Variants in DIP2B observed in about 807,000 individuals in gnomAD.
DIP2B encodes the protein disco-interacting protein 2 homolog B.
A neutral mutation model predicts 198.0 loss-of-function variants in DIP2B; 76 were observed. The observed-to-expected ratio is 0.38, with a 90% CI of 0.32 to 0.46. The LOEUF is 0.46. Ranked by LOEUF, DIP2B falls within the 20% of genes least tolerant of loss-of-function variation. The pLI, the probability that DIP2B is intolerant of heterozygous loss-of-function variation, is 0.99. For synonymous variants in DIP2B, 701 were observed against 739.1 expected (o/e 0.95, Z 0.84); for missense variants, 1,559 against 1,978.4 (o/e 0.79, Z 4.02).
intron 1 of DIP2B, among the ~76,000 whole-genome samples, chr12:50,576,257 C>G (rs528621940): frequency 6.7e-6 from 1 of 149,758 alleles, no homozygotes; most frequent in Admixed American, 6.7e-5. Flanking sequence ...TTAGTAGAGA[C>G]GGTTTCTCCA....
At chr12:50,718,128 G>A (rs930879932) in intron 23 of DIP2B, among the ~76,000 whole-genome samples, 1 of 151,116 alleles carries the variant, frequency 6.6e-6, no homozygotes, top group Admixed American at 6.6e-5. Flanking sequence ...TCCATCTCTT[G>A]ACCTTGTGAT....
chr12:50,662,027 G>A (rs915889659), intron 4 of DIP2B, among the ~76,000 whole-genome samples: 1 of 152,206 alleles, frequency 6.6e-6, no homozygotes, highest in Admixed American at 6.5e-5. Flanking sequence ...TGCTGAATGA[G>A]ACTGTAGTCC....
intron 1 of DIP2B, among the ~76,000 whole-genome samples, chr12:50,532,772 C>T (rs1958229717): frequency 6.6e-6 from 1 of 152,068 alleles, no homozygotes; most frequent in African/African-American, 2.4e-5. Flanking sequence ...GTGGGTAACC[C>T]CCTTTCCTCT....
intron 1 of DIP2B, among the ~76,000 whole-genome samples, chr12:50,514,848 A>G (rs897192559): frequency 6.6e-6 from 1 of 151,804 alleles, no homozygotes; most frequent in Non-Finnish European, 1.5e-5. Flanking sequence ...TGTAGCAACA[A>G]GGTCTTGCTT....
In DIP2B at chr12:50,708,441, C is replaced by G. The variant is rs763337763; in HGVS notation, c.2535-7C>G. On this transcript the variant is annotated splice_region_variant and splice_polypyrimidine_tract_variant and intron_variant, in intron 21 of 37. Transcript: ENST00000301180. ...GAGTCCTGATGTGTTTGATCTGTCT[C>G]TCTTAGAATTGCTGTGTTTTCTGTG... is the stretch of plus-strand genomic sequence containing the variant. The G allele has an allele frequency of 6.3e-7, 1 of 1,582,770 alleles. No homozygotes were observed. Among genetic ancestry groups the G allele is most frequent in the Non-Finnish European group, 8.6e-7 (1 of 1,162,374 alleles).
intron 1 of DIP2B, among the ~76,000 whole-genome samples, chr12:50,539,463 C>T (rs1034824724): frequency 6.6e-6 from 1 of 151,744 alleles, no homozygotes; most frequent in Non-Finnish European, 1.5e-5. Context: ...ACTAAAAATA[C>T]AAAAATTAGC....
At chr12:50,652,948 T>TG (rs1938483390) in intron 3 of DIP2B, among the ~76,000 whole-genome samples, 1 of 151,866 alleles carries the variant, frequency 6.6e-6, no homozygotes, top group Admixed American at 6.6e-5. Context: ...CACAACTGTT[T>TG]TTTTTTTTTT....
At chr12:50,544,459 A>G (rs1593595894) in intron 1 of DIP2B, among the ~76,000 whole-genome samples, 1 of 152,172 alleles carries the variant, frequency 6.6e-6, no homozygotes, top group African/African-American at 2.4e-5. Flanking sequence ...GGTGCCTGCC[A>G]CTACGCCCAG....
intron 3 of DIP2B, 69 bp from the exon 4 acceptor site, chr12:50,660,125 A>G: frequency 7.5e-7 from 1 of 1,336,152 alleles, no homozygotes; most frequent in Non-Finnish European, 9.7e-7. Flanking sequence ...AGGCAGTGAT[A>G]GTTCAGCTCA....
intron 9 of DIP2B, among the ~76,000 whole-genome samples, chr12:50,682,413 CAGG>C (rs1939056394): frequency 6.6e-6 from 1 of 152,036 alleles, no homozygotes; most frequent in African/African-American, 2.4e-5. Context: ...ATCACGAGGT[CAGG>C]AGATCGATCG....
At chr12:50,714,662 G>A (rs1295495719) in intron 23 of DIP2B, 66 bp downstream of exon 23, 1 of 1,578,432 alleles carries the variant, frequency 6.3e-7, no homozygotes, top group Non-Finnish European at 8.7e-7. Context: ...TTCTCTCAGT[G>A]TGATTCTTTC....
chr12:50,563,775 C>G (rs1209378834), intron 1 of DIP2B, among the ~76,000 whole-genome samples: 2 of 150,800 alleles, frequency 1.3e-5, no homozygotes, highest in Non-Finnish European at 2.9e-5. Context: ...GGTTTACAGG[C>G]ATAAGCCACC....
intron 22 of DIP2B, among the ~76,000 whole-genome samples, chr12:50,708,877 T>C (rs1357812377): frequency 6.6e-6 from 1 of 152,250 alleles, no homozygotes; most frequent in Non-Finnish European, 1.5e-5. Context: ...TCAATCCACT[T>C]GTCAACAGTC....
intron 3 of DIP2B, among the ~76,000 whole-genome samples, chr12:50,656,307 T>C (rs1025126423): frequency 1.3e-5 from 2 of 152,206 alleles, no homozygotes; most frequent in South Asian, 2.1e-4. Context: ...GGAGCCACTT[T>C]TCCTTGAAGA....
rs1033027975 is a variant in DIP2B at position 50,748,296 on chromosome 12, G to A, written c.*3457G>A. 2 of 152,610 alleles carry A rather than the reference G, an allele frequency of 1.3e-5. No homozygotes were observed. Among genetic ancestry groups the A allele is most frequent in the African/African-American group, 4.8e-5 (2 of 41,432 alleles). 9.5% of individuals were successfully genotyped at this position (152,610 alleles called of 1,614,324 possible). A position where few individuals can be genotyped will look rare whatever the true frequency, so the allele number is the denominator to read the frequency against. On this transcript the variant is annotated 3_prime_UTR_variant, in exon 38 of 38. Coordinates refer to ENST00000301180, the MANE Select transcript of DIP2B (RefSeq NM_173602.3). ...TTTTGTTGTCTGCTTTGATGTAAAA[G>A]CAAGAGTATTTGGAGCAAGAAGCTG...
intron 1 of DIP2B, among the ~76,000 whole-genome samples, chr12:50,603,713 C>T (rs572096638): frequency 1.3e-5 from 2 of 151,980 alleles, no homozygotes; most frequent in African/African-American, 4.8e-5. Context: ...CAGAATGAGA[C>T]CTTGCCTTTG....
intron 1 of DIP2B, among the ~76,000 whole-genome samples, chr12:50,623,527 A>G (rs1452884973): frequency 7.0e-5 from 9 of 128,600 alleles, no homozygotes; most frequent in Non-Finnish European, 1.3e-4. Flanking sequence ...ACACACACAC[A>G]CGCACACACA....
chr12:50,739,646 T>A, intron 36 of DIP2B, 60 bp downstream of exon 36: 5 of 1,587,986 alleles, frequency 3.1e-6, no homozygotes, highest in Non-Finnish European at 3.4e-6. Flanking sequence ...CTAGCTGACC[T>A]CCTTCAGCCT....
chr12:50,743,893 G>A (rs907157217), intron 37 of DIP2B, among the ~76,000 whole-genome samples: 4 of 152,164 alleles, frequency 2.6e-5, no homozygotes, highest in South Asian at 2.1e-4. Flanking sequence ...GAGCCATATG[G>A]GCATTCCCTT....
Sources: gnomAD v4.1 joint callset for allele counts (sites outside exome capture counted in the v4.1 genomes callset) on GRCh38, gnomAD v4.1.1 for gene constraint, MANE v1.5 for transcripts, NCBI Gene and HGNC (gene_info 2026-07-23, HGNC 2026-07-21) for gene names.